The following CTDSPL2 variants were observed in gnomAD, a reference collection of about 807,000 sequenced individuals.
The protein encoded by CTDSPL2 is CTD small phosphatase-like protein 2.
In CTDSPL2, 5 loss-of-function variants were observed where a neutral mutation model predicts 60.0. That is an observed-to-expected ratio of 0.08 (90% CI 0.04 to 0.18). The LOEUF is 0.18. CTDSPL2 is among the 10% of genes least tolerant of loss of function. CTDSPL2 has a pLI of 1.00. For synonymous variants in CTDSPL2, 186 were observed against 189.3 expected, an observed-to-expected ratio of 0.98 and a Z score of 0.14; for missense variants, 370 against 548.8, an observed-to-expected ratio of 0.67 and a Z score of 3.26.
intron 8 of CTDSPL2, among the ~76,000 whole-genome samples, chr15:44,508,026 G>T (rs1438433399): frequency 6.6e-6 from 1 of 152,024 alleles, no homozygotes; most frequent in Non-Finnish European, 1.5e-5. Flanking sequence ...TACACTTGTG[G>T]TATCTACTGA....
chr15:44,466,730 G>A (rs1463300021), intron 2 of CTDSPL2, among the ~76,000 whole-genome samples: 1 of 151,656 alleles, frequency 6.6e-6, no homozygotes, highest in Non-Finnish European at 1.5e-5. Context: ...GGATCATGAG[G>A]TCAGGAGATC....
chr15:44,515,568 G>A (rs1178713987), intron 10 of CTDSPL2, among the ~76,000 whole-genome samples: 1 of 152,070 alleles, frequency 6.6e-6, no homozygotes, highest in African/African-American at 2.4e-5. Flanking sequence ...TGACACAAAC[G>A]GCTCATAAAA....
intron 3 of CTDSPL2, among the ~76,000 whole-genome samples, chr15:44,485,185 CAA>C: frequency 6.6e-6 from 1 of 152,258 alleles, no homozygotes; most frequent in Admixed American, 6.5e-5. Flanking sequence ...AAACATCCTA[CAA>C]TACACAGGAC....
intron 1 of CTDSPL2, among the ~76,000 whole-genome samples, chr15:44,431,367 G>A (rs898533152): frequency 6.6e-6 from 1 of 152,206 alleles, no homozygotes. Context: ...ATCTAAGCCA[G>A]ACATATATTC....
At chr15:44,471,059 C>T (rs2080799451) in intron 2 of CTDSPL2, among the ~76,000 whole-genome samples, 1 of 152,196 alleles carries the variant, frequency 6.6e-6, no homozygotes, top group South Asian at 2.1e-4. Context: ...CCTGAGACAA[C>T]CACTGATCTT....
rs779587261 is a variant in CTDSPL2 at position 44,459,070 on chromosome 15, G to A, written c.56G>A (p.Arg19His). 6.2e-6 allele frequency: 10 copies of A among 1,611,552 alleles called. No homozygotes were observed. Among genetic ancestry groups the A allele is most frequent in the African/African-American group, 2.7e-5 (2 of 74,830 alleles). The change falls in exon 2 of 13, where the codon CGC (arginine) becomes CAC (histidine). Residue 19 changes from arginine (R) to histidine (H), a missense_variant. Arg to His is a conservative substitution (Grantham distance 29). Around this residue, in one of 6 missense-constraint regions of CTDSPL2, gnomAD observed 287 missense variants for 296.1 expected, o/e 0.97. Transcript: ENST00000260327. ...CAGTCAAATCAAATCCAAACACAAC[G>A]CACTGCCAGAGCAAAGAGGAAATAT... ...SQQSNQIQTQ[R>H]TARAKRKYSE...
chr15:44,474,404 C>T lies in CTDSPL2; in HGVS notation c.187-9820C>T, dbSNP rs567221115. 1.5e-4 allele frequency among the ~76,000 whole-genome samples: 23 copies of T among 151,352 alleles called. No individual in the cohort carries two copies. In the South Asian group the frequency reaches 1.7e-3, roughly 11 times the overall value. On this transcript the variant is annotated intron_variant, in intron 2 of 12. Transcript: ENST00000260327. ...TACTCAGGAGGCTGAGGCGGGAGAT[C>T]GCTTGAACCCAGGAGGCGGAGGTTG... is the stretch of plus-strand genomic sequence containing the variant.
chr15:44,434,980 G>A (rs926747856), intron 1 of CTDSPL2, among the ~76,000 whole-genome samples: 4 of 152,022 alleles, frequency 2.6e-5, no homozygotes, highest in Non-Finnish European at 4.4e-5. Flanking sequence ...AATAACCTTC[G>A]ACCAGACACA....
intron 12 of CTDSPL2, among the ~76,000 whole-genome samples, chr15:44,522,210 T>G (rs1005534235): frequency 6.6e-6 from 1 of 152,056 alleles, no homozygotes; most frequent in African/African-American, 2.4e-5. Flanking sequence ...ATTTTTGTAT[T>G]TTTTGTAGAG....
chr15:44,446,186 A>G (rs1450834546), intron 1 of CTDSPL2, among the ~76,000 whole-genome samples: 1 of 151,966 alleles, frequency 6.6e-6, no homozygotes, highest in Non-Finnish European at 1.5e-5. Flanking sequence ...GACCTCCCAA[A>G]GTGCTGGGAT....
intron 2 of CTDSPL2, among the ~76,000 whole-genome samples, chr15:44,467,159 A>C (rs1026952623): frequency 2.0e-5 from 3 of 152,196 alleles, no homozygotes; most frequent in Non-Finnish European, 4.4e-5. Context: ...TGTCTGCTGA[A>C]CTGTGTGCAC....
At chr15:44,510,421 A>T (rs2081547003) in intron 8 of CTDSPL2, among the ~76,000 whole-genome samples, 2 of 152,166 alleles carry the variant, frequency 1.3e-5, no homozygotes, top group Non-Finnish European at 2.9e-5. Context: ...AAATATAATT[A>T]TTTCTTATTA....
intron 2 of CTDSPL2, among the ~76,000 whole-genome samples, chr15:44,470,916 A>G (rs1294839299): frequency 6.6e-6 from 1 of 151,862 alleles, no homozygotes; most frequent in Non-Finnish European, 1.5e-5. Context: ...TTATCCTCCT[A>G]TATCCTATAT....
intron 1 of CTDSPL2, among the ~76,000 whole-genome samples, chr15:44,439,010 C>A (rs899480343): frequency 1.3e-5 from 2 of 152,032 alleles, no homozygotes; most frequent in Non-Finnish European, 2.9e-5. Context: ...GTCATGAATT[C>A]TTAGGCTAAA....
intron 8 of CTDSPL2, among the ~76,000 whole-genome samples, chr15:44,511,912 G>T (rs1009952968): frequency 6.7e-6 from 1 of 149,504 alleles, no homozygotes; most frequent in Admixed American, 6.7e-5. Context: ...AAACTTAGTC[G>T]GGTGTGATGG....
At chr15:44,499,318 T>A (rs1207115681) in intron 7 of CTDSPL2, among the ~76,000 whole-genome samples, 1 of 152,114 alleles carries the variant, frequency 6.6e-6, no homozygotes, top group African/African-American at 2.4e-5. Context: ...GGCAGGAGAA[T>A]CGTTTGAACC....
chr15:44,479,914 T>C (rs752503252), intron 2 of CTDSPL2, among the ~76,000 whole-genome samples: 3 of 152,238 alleles, frequency 2.0e-5, no homozygotes, highest in Non-Finnish European at 2.9e-5. Flanking sequence ...CAGAAAGTTA[T>C]GTAGTTCAGG....
intron 1 of CTDSPL2, among the ~76,000 whole-genome samples, chr15:44,442,462 A>C (rs2080110173): frequency 6.6e-6 from 1 of 151,916 alleles, no homozygotes; most frequent in Non-Finnish European, 1.5e-5. Context: ...AAAAAAAAAA[A>C]AGATAGATAA....
chr15:44,479,511 A>G (rs922857599), intron 2 of CTDSPL2, among the ~76,000 whole-genome samples: 2 of 142,272 alleles, frequency 1.4e-5, no homozygotes, highest in African/African-American at 5.3e-5. Flanking sequence ...TGCTCAGGTG[A>G]TCCTCTTGCC....
Sources: allele counts gnomAD v4.1 joint callset (sites outside exome capture counted in the v4.1 genomes callset), GRCh38; gene constraint gnomAD v4.1.1; regional missense constraint gnomAD v4.1.1; transcripts MANE v1.5; gene names NCBI Gene and HGNC (gene_info 2026-07-23, HGNC 2026-07-21).